The following C14orf132 variants were observed in gnomAD, a reference collection of about 807,000 sequenced individuals.
The protein encoded by C14orf132 is uncharacterized protein C14orf132.
A neutral mutation model predicts 5.8 loss-of-function variants in C14orf132; 6 were observed. That is an observed-to-expected ratio of 1.03 (90% CI 0.57 to 2.04). The LOEUF (loss-of-function observed/expected upper bound fraction) is 2.04. C14orf132 is among the 30% of genes most tolerant of loss of function. C14orf132 has a pLI of 0.00. For missense variants in C14orf132, 125 were observed against 115.8 expected, an observed-to-expected ratio of 1.08 and a Z score of -0.37; for synonymous variants, 51 against 49.8, an observed-to-expected ratio of 1.02 and a Z score of -0.10.
chr14:96,064,127 C>A (rs1200156624), intron 1 of C14orf132, among the ~76,000 whole-genome samples: 2 of 151,996 alleles, frequency 1.3e-5, no homozygotes, highest in Non-Finnish European at 2.9e-5. Flanking sequence ...GGAATGTAAA[C>A]TAGTACAGCC....
chr14:96,047,743 T>C (rs1175026159), intron 1 of C14orf132, among the ~76,000 whole-genome samples: 1 of 152,202 alleles, frequency 6.6e-6, no homozygotes, highest in African/African-American at 2.4e-5. Flanking sequence ...TTTAAAGAGA[T>C]GTTTTAAGTT....
intron 1 of C14orf132, chr14:96,051,051 C>T: frequency 2.5e-6 from 1 of 397,274 alleles, no homozygotes; most frequent in Non-Finnish European, 4.4e-6. Flanking sequence ...GCCCCTGATC[C>T]AGCCAGCATT....
chr14:96,043,588 A>T (rs1053024271), intron 1 of C14orf132, among the ~76,000 whole-genome samples: 5 of 152,014 alleles, frequency 3.3e-5, no homozygotes, highest in Admixed American at 3.3e-4. Flanking sequence ...CTCACCTCCG[A>T]TACTCCCATC....
In C14orf132 at chr14:96,086,804, G is replaced by T. The variant is rs1019591231; in HGVS notation, c.*69G>T. The T allele has an allele frequency of 6.2e-6, 9 of 1,446,750 alleles. No individual in the cohort carries two copies. The highest frequency in any genetic ancestry group is 9.3e-7 in the Non-Finnish European group (1 of 1,074,192). The allele number at this position is 1,446,750 out of a possible 1,614,324, so 89.6% of individuals were successfully genotyped here. ...AGCTCTGACTTGCTGTCGGCCTTTG[G>T]CTTCTCCTGTGTTCTAGAACCAGGA... On this transcript the variant is annotated 3_prime_UTR_variant, in exon 2 of 2. Coordinates refer to ENST00000555004, the MANE Select transcript of C14orf132 (RefSeq NM_001252507.3).
intron 1 of C14orf132, among the ~76,000 whole-genome samples, chr14:96,081,554 G>C (rs896473288): frequency 6.6e-6 from 1 of 152,192 alleles, no homozygotes; most frequent in Non-Finnish European, 1.5e-5. Context: ...CTTCGGAAAA[G>C]CGTAGGCAGA....
chr14:96,068,447 G>T (rs1024029074), intron 1 of C14orf132, among the ~76,000 whole-genome samples: 6 of 152,144 alleles, frequency 3.9e-5, no homozygotes, highest in African/African-American at 1.4e-4. Flanking sequence ...ATTCGTGGGC[G>T]CTGATTCCAG....
intron 1 of C14orf132, among the ~76,000 whole-genome samples, chr14:96,040,996 G>C (rs1321892355): frequency 1.3e-5 from 2 of 152,184 alleles, no homozygotes; most frequent in Non-Finnish European, 2.9e-5. Context: ...TGGAGCATCA[G>C]TTGCTGCCAT....
At chr14:96,078,569 C>T (rs867848582) in intron 1 of C14orf132, among the ~76,000 whole-genome samples, 6 of 152,296 alleles carry the variant, frequency 3.9e-5, no homozygotes, top group Admixed American at 6.5e-5. Context: ...GTGCCGGCAC[C>T]GCAAGCATTT....
At chr14:96,046,385 T>G (rs373287056) in intron 1 of C14orf132, among the ~76,000 whole-genome samples, 1 of 152,178 alleles carries the variant, frequency 6.6e-6, no homozygotes, top group Admixed American at 6.5e-5. Flanking sequence ...AACAAGGGTG[T>G]GTAGAGCTTG....
chr14:96,042,480 C>T (rs1886720554), intron 1 of C14orf132, among the ~76,000 whole-genome samples: 1 of 152,208 alleles, frequency 6.6e-6, no homozygotes, highest in Non-Finnish European at 1.5e-5. Flanking sequence ...TTAACTAAGT[C>T]AGTGAAACCA....
chr14:96,057,767 T>A (rs919146245), intron 1 of C14orf132, among the ~76,000 whole-genome samples: 4 of 152,130 alleles, frequency 2.6e-5, no homozygotes, highest in Non-Finnish European at 5.9e-5. Flanking sequence ...CTAGTAGACA[T>A]CCTGGGAGAG....
rs555381855 is a variant in C14orf132, at chr14:96,076,465, G to A, written c.28-10046G>A. Among the ~76,000 whole-genome samples, 5 of 152,018 alleles carry A rather than the reference G, an allele frequency of 3.3e-5. No homozygotes were observed. In the East Asian group the frequency reaches 7.7e-4, roughly 24 times the overall value. On this transcript the variant is annotated intron_variant, in intron 1 of 1. Transcript: ENST00000555004. Reference sequence around the variant, plus strand: ...TATTTCCTTCCTTCTGTATGCTTTGGGTTTAATTTAATCTTCCCCTCTTCC... The same window carrying A: ...TATTTCCTTCCTTCTGTATGCTTTGAGTTTAATTTAATCTTCCCCTCTTCC...
rs188598626 is a variant in C14orf132 at position 96,084,867 on chromosome 14, G to A, written c.28-1644G>A. Among the ~76,000 whole-genome samples the A allele has an allele frequency of 1.8e-3, 272 of 152,318 alleles. 1 individual carries two copies. Among genetic ancestry groups the A allele is most frequent in the Middle Eastern group, 3.4e-3 (1 of 294 alleles). ...GCCTCCTGGCAGGAGTCCATCAGAA[G>A]CAGATGCTCAAGGGCCACCTGGTGA... On this transcript the variant is annotated intron_variant, in intron 1 of 1. Coordinates refer to ENST00000555004, the MANE Select transcript of C14orf132 (RefSeq NM_001252507.3).
chr14:96,050,801 T>C (rs1887004885), intron 1 of C14orf132, among the ~76,000 whole-genome samples: 2 of 152,154 alleles, frequency 1.3e-5, no homozygotes, highest in South Asian at 2.1e-4. Context: ...CTGTCCTTCA[T>C]TGTCTGATGT....
chr14:96,053,232 C>T (rs1045566280), intron 1 of C14orf132, among the ~76,000 whole-genome samples: 51 of 152,324 alleles, frequency 3.3e-4, no homozygotes, highest in African/African-American at 1.2e-3. Flanking sequence ...TTTCCCCGGC[C>T]CATTTAATTC....
chr14:96,090,948 C>T lies in C14orf132; in HGVS notation c.*4213C>T, dbSNP rs1477461267. The T allele has an allele frequency of 2.2e-6, 1 of 456,126 alleles. No homozygotes were observed. Among genetic ancestry groups the T allele is most frequent in the Non-Finnish European group, 4.4e-6 (1 of 226,812 alleles). The allele number at this position is 456,126 out of a possible 1,614,324, so 28.3% of individuals were successfully genotyped here. The stretch of plus-strand genomic sequence containing the variant: ...TCATTATTAGCAGTAATATTATTCC[C>T]AGTTATTATTCTTACCGGTGCCAGT... On this transcript the variant is annotated 3_prime_UTR_variant, in exon 2 of 2. Coordinates refer to ENST00000555004, the MANE Select transcript of C14orf132 (RefSeq NM_001252507.3).
chr14:96,063,254 C>G (rs547745281), intron 1 of C14orf132, among the ~76,000 whole-genome samples: 7 of 152,248 alleles, frequency 4.6e-5, no homozygotes, highest in Admixed American at 1.3e-4. Flanking sequence ...CGTATAAGAA[C>G]TGACCTCTTG....
At chr14:96,084,975 C>A (rs1306729506) in intron 1 of C14orf132, among the ~76,000 whole-genome samples, 1 of 152,198 alleles carries the variant, frequency 6.6e-6, no homozygotes, top group Admixed American at 6.5e-5. Context: ...TGCCCAGGCA[C>A]GTGTGTGCCT....
chr14:96,047,113 G>A (rs1886850930), intron 1 of C14orf132, among the ~76,000 whole-genome samples: 1 of 152,110 alleles, frequency 6.6e-6, no homozygotes, highest in South Asian at 2.1e-4. Context: ...GTTATCTTAG[G>A]GCTTGTCTGG....
Sources: gnomAD v4.1 joint callset for allele counts (sites outside exome capture counted in the v4.1 genomes callset) on GRCh38, gnomAD v4.1.1 for gene constraint, MANE v1.5 for transcripts, NCBI Gene and HGNC (gene_info 2026-07-23, HGNC 2026-07-21) for gene names.